The following CNTNAP2 variants were observed in gnomAD, a reference collection of about 807,000 sequenced individuals.
The protein encoded by CNTNAP2 is contactin associated protein 2, also known as contactin-associated protein-like 2.
Under a neutral mutation model 155.2 loss-of-function variants are expected in CNTNAP2, and 98 were observed. The observed-to-expected ratio is 0.63, with a 90% CI of 0.54 to 0.75. The LOEUF (loss-of-function observed/expected upper bound fraction) is 0.75. Among genes scored for constraint, CNTNAP2 ranks in the 30% least tolerant of loss-of-function variants. The pLI, the probability that CNTNAP2 is intolerant of heterozygous loss-of-function variation, is 0.00. For missense variants in CNTNAP2, 1,727 were observed against 1,688.1 expected (o/e 1.02, Z -0.40); for synonymous variants, 651 against 631.2 (o/e 1.03, Z -0.47).
intron 12 of CNTNAP2, among the ~76,000 whole-genome samples, chr7:147,571,461 C>A (rs1456746228): frequency 6.6e-6 from 1 of 151,924 alleles, no homozygotes; most frequent in Non-Finnish European, 1.5e-5. Context: ...TTTATCATCC[C>A]TTAAGGTTTG....
rs991842796 is a variant in CNTNAP2 at position 147,903,663 on chromosome 7, G to A, written c.2197G>A (p.Glu733Lys). 1.4e-5 allele frequency: 22 copies of A among 1,613,996 alleles called. No homozygotes were observed. The Middle Eastern group carries it at 4.9e-4, about 36-fold the overall frequency. ...PGIQKCACGI[E>K]RNCTDPKYYC... ...AATCCAGAAATGTGCCTGCGGCATCGAACGCAACTGCACAGATCCCAAGTA... is the reference window on the plus strand; with the variant it reads ...AATCCAGAAATGTGCCTGCGGCATCAAACGCAACTGCACAGATCCCAAGTA... The change falls in exon 14 of 24, where the codon GAA becomes AAA. Residue 733 changes from glutamate (E) to lysine (K), a missense_variant. By Grantham distance (56) the Glu-to-Lys change is moderately conservative. Transcript: ENST00000361727.
At chr7:148,341,273 C>CTT (rs200209819) in intron 21 of CNTNAP2, among the ~76,000 whole-genome samples, 3 of 120,242 alleles carry the variant, frequency 2.5e-5, no homozygotes, top group African/African-American at 1.0e-4. Flanking sequence ...CAGAGGATTT[C>CTT]TTTTTTTTTT....
intron 8 of CNTNAP2, among the ~76,000 whole-genome samples, chr7:147,217,400 T>C (rs1169662239): frequency 2.6e-5 from 4 of 152,014 alleles, no homozygotes; most frequent in African/African-American, 7.2e-5. Flanking sequence ...TCTGCATTTA[T>C]TAATATACTT....
intron 8 of CNTNAP2, among the ~76,000 whole-genome samples, chr7:147,153,362 G>A (rs763728408): frequency 2.0e-5 from 3 of 152,122 alleles, no homozygotes; most frequent in Non-Finnish European, 2.9e-5. Context: ...GTTAGAAGAT[G>A]ACAAGTGAAA....
intron 1 of CNTNAP2, among the ~76,000 whole-genome samples, chr7:146,180,277 C>A (rs1224223142): frequency 1.3e-5 from 2 of 151,956 alleles, no homozygotes; most frequent in African/African-American, 4.8e-5. Flanking sequence ...GATGTGCCCG[C>A]CTTTCTTTTT....
chr7:148,330,390 T>C (rs1023731134), intron 21 of CNTNAP2, among the ~76,000 whole-genome samples: 2 of 148,020 alleles, frequency 1.4e-5, no homozygotes, highest in East Asian at 4.1e-4. Context: ...AGTGGACGGA[T>C]AGAGTGGAGG....
chr7:146,486,140 C>G (rs1797054898), intron 1 of CNTNAP2, among the ~76,000 whole-genome samples: 1 of 134,096 alleles, frequency 7.5e-6, no homozygotes, highest in Non-Finnish European at 1.5e-5. Context: ...TCTCAGCTCA[C>G]TGCAAACTCC....
At chr7:148,225,979 T>A (rs1795841035) in intron 19 of CNTNAP2, among the ~76,000 whole-genome samples, 2 of 152,166 alleles carry the variant, frequency 1.3e-5, no homozygotes, top group South Asian at 4.1e-4. Flanking sequence ...CAGTAAGATA[T>A]CTGAGGGAAA....
At chr7:148,367,076 C>G (rs1302168683) in intron 21 of CNTNAP2, among the ~76,000 whole-genome samples, 1 of 151,920 alleles carries the variant, frequency 6.6e-6, no homozygotes, top group African/African-American at 2.4e-5. Flanking sequence ...ACTAAAAATA[C>G]AAAAATTAGC....
chr7:148,160,748 GT>G (rs1261380831), intron 17 of CNTNAP2, among the ~76,000 whole-genome samples: 1 of 152,074 alleles, frequency 6.6e-6, no homozygotes, highest in Non-Finnish European at 1.5e-5. Context: ...TTGTTTTTTG[GT>G]TTTGGTGGTG....
chr7:148,247,625 C>CTTTATT (rs373741779), intron 20 of CNTNAP2, among the ~76,000 whole-genome samples: 3 of 105,314 alleles, frequency 2.8e-5, no homozygotes, highest in African/African-American at 7.7e-5. Flanking sequence ...CTCTCTCTCT[C>CTTTATT]TATTTATTTA....
chr7:147,005,936 G>T (rs1458174921), intron 3 of CNTNAP2, among the ~76,000 whole-genome samples: 1 of 151,848 alleles, frequency 6.6e-6, no homozygotes, highest in Non-Finnish European at 1.5e-5. Context: ...GTATCTTATT[G>T]TAGGAGGGGG....
Position 148,025,636 on chromosome 7 carries a change from G to A in CNTNAP2, c.2383+47647G>A, listed in dbSNP as rs182347344. Among the ~76,000 whole-genome samples the A allele has an allele frequency of 4.8e-3, 729 of 152,194 alleles. 12 individuals are homozygous for A. The highest frequency in any genetic ancestry group is 0.017 in the African/African-American group (705 of 41,532). On this transcript the variant is annotated intron_variant, in intron 15 of 23. Transcript: ENST00000361727. ...TACCTTAGTACTCAAAACAATCTAT[G>A]GTCCCTCTTCTCAACCTTTCTTTCT...
intron 4 of CNTNAP2, among the ~76,000 whole-genome samples, chr7:147,099,615 T>C (rs774403721): frequency 1.3e-5 from 2 of 152,172 alleles, no homozygotes; most frequent in Non-Finnish European, 2.9e-5. Context: ...TATCTTTATA[T>C]AGTATCAAAA....
intron 3 of CNTNAP2, among the ~76,000 whole-genome samples, chr7:146,973,149 C>T (rs1488958756): frequency 6.6e-6 from 1 of 152,118 alleles, no homozygotes; most frequent in African/African-American, 2.4e-5. Flanking sequence ...CTGCCTCCGC[C>T]TCCTTAGTAG....
At chr7:147,385,734 A>C (rs1243057925) in intron 9 of CNTNAP2, among the ~76,000 whole-genome samples, 2 of 152,158 alleles carry the variant, frequency 1.3e-5, no homozygotes, top group Non-Finnish European at 2.9e-5. Context: ...TGGCCTTTCC[A>C]GGCACACAGT....
chr7:146,702,795 G>C (rs191933580), intron 1 of CNTNAP2, among the ~76,000 whole-genome samples: 2 of 152,056 alleles, frequency 1.3e-5, no homozygotes, highest in African/African-American at 4.8e-5. Flanking sequence ...AAAAATTAAT[G>C]TTGTGTGCTT....
At chr7:146,864,335 T>C (rs1397954134) in intron 3 of CNTNAP2, among the ~76,000 whole-genome samples, 3 of 152,106 alleles carry the variant, frequency 2.0e-5, no homozygotes, top group African/African-American at 7.2e-5. Flanking sequence ...TCATCATGAT[T>C]ATGGCAACAG....
rs201360119 is a variant in CNTNAP2 at position 146,901,632 on chromosome 7, A to C, written c.402+61728A>C. On this transcript the variant is annotated intron_variant, in intron 3 of 23. Transcript: ENST00000361727. ...TGGAATTTGCAGTAGGAAAAACTTA[A>C]ATATGCAATGAGTATATTAAAATCC... is the stretch of plus-strand genomic sequence containing the variant. Among the ~76,000 whole-genome samples, 17 of 152,296 alleles carry C rather than the reference A, an allele frequency of 1.1e-4. No individual in the cohort carries two copies. In the East Asian group the frequency reaches 2.9e-3, roughly 26 times the overall value.
Sources: allele counts gnomAD v4.1 joint callset (sites outside exome capture counted in the v4.1 genomes callset), GRCh38; gene constraint gnomAD v4.1.1; transcripts MANE v1.5; gene names NCBI Gene and HGNC (gene_info 2026-07-23, HGNC 2026-07-21).